The following NPSR1 variants were observed in gnomAD, a reference collection of about 807,000 sequenced individuals.
NPSR1 encodes the protein neuropeptide S receptor.
A neutral mutation model predicts 46.9 loss-of-function variants in NPSR1; 48 were observed. That is an observed-to-expected ratio of 1.02 (90% CI 0.81 to 1.30). The LOEUF is 1.30. Ranked by LOEUF, NPSR1 falls within the 50% of genes most tolerant of loss-of-function variation. The pLI, the probability that NPSR1 is intolerant of heterozygous loss-of-function variation, is 0.00. For synonymous variants in NPSR1, 176 were observed against 168.1 expected, an observed-to-expected ratio of 1.05 and a Z score of -0.36; for missense variants, 450 against 449.5, an observed-to-expected ratio of 1.00 and a Z score of -0.01.
intron 2 of NPSR1, chr7:34,704,295 A>G (rs1400671654): frequency 6.6e-6 from 1 of 152,180 alleles, no homozygotes; most frequent in African/African-American, 2.4e-5. Context: ...TACAATTTAT[A>G]TGACATGTTA....
At chr7:34,661,064 A>G (rs1791431238) in intron 1 of NPSR1, among the ~76,000 whole-genome samples, 1 of 152,198 alleles carries the variant, frequency 6.6e-6, no homozygotes, top group Admixed American at 6.5e-5. Flanking sequence ...ATACTCAATA[A>G]ACATTGACTG....
chr7:34,792,592 CGTATATATGTGTGT>C (rs1787935898), intron 3 of NPSR1, among the ~76,000 whole-genome samples: 2 of 120,114 alleles, frequency 1.7e-5, no homozygotes, highest in African/African-American at 6.1e-5. Context: ...TATATATATA[CGTATATATGTGTGT>C]GTATATATGT....
At chr7:34,798,016 A>G (rs1329406940) in intron 3 of NPSR1, among the ~76,000 whole-genome samples, 2 of 152,194 alleles carry the variant, frequency 1.3e-5, no homozygotes, top group Admixed American at 1.3e-4. Flanking sequence ...TTTCTTACAA[A>G]AAATGCTAAA....
chr7:34,857,624 C>G (rs1791079384), intron 8 of NPSR1, among the ~76,000 whole-genome samples: 1 of 151,414 alleles, frequency 6.6e-6, no homozygotes, highest in Admixed American at 6.6e-5. Context: ...CCTAAATTCA[C>G]AAGACAATAG....
chr7:34,876,427 A>G (rs1380729928), intron 8 of NPSR1, among the ~76,000 whole-genome samples: 1 of 152,242 alleles, frequency 6.6e-6, no homozygotes, highest in East Asian at 1.9e-4. Flanking sequence ...TACTTAGCAC[A>G]GTTCTTGACA....
At chr7:34,744,003 G>T (rs1451155195) in intron 2 of NPSR1, among the ~76,000 whole-genome samples, 1 of 152,082 alleles carries the variant, frequency 6.6e-6, no homozygotes, top group Admixed American at 6.5e-5. Flanking sequence ...GGTCAAGTTT[G>T]TTTGCTGTGT....
chr7:34,749,464 T>G (rs941096663), intron 2 of NPSR1, among the ~76,000 whole-genome samples: 1 of 152,162 alleles, frequency 6.6e-6, no homozygotes, highest in Non-Finnish European at 1.5e-5. Flanking sequence ...ACAAAGTAAG[T>G]ATACCCACCC....
intron 2 of NPSR1, among the ~76,000 whole-genome samples, chr7:34,768,176 G>C (rs1786519937): frequency 6.6e-6 from 1 of 152,086 alleles, no homozygotes; most frequent in Non-Finnish European, 1.5e-5. Context: ...AAGAATTATA[G>C]CTGACTTCTT....
rs1209298519 is a variant in NPSR1 at position 34,807,197 on chromosome 7, C to T, written c.385-4573C>T. ...CATGTTACTAATTTCTGCTTCATTG[C>T]TCATTGTTTTAAATATGTGATTTGC... is the stretch of plus-strand genomic sequence containing the variant. On this transcript the variant is annotated intron_variant, in intron 3 of 8. Transcript: ENST00000360581. 2.6e-5 allele frequency among the ~76,000 whole-genome samples: 4 copies of T among 152,098 alleles called. No individual in the cohort carries two copies. The East Asian group carries it at 5.8e-4, about 22-fold the overall frequency.
At chr7:34,752,078 G>T in intron 2 of NPSR1, 1 of 600,510 alleles carries the variant, frequency 1.7e-6, no homozygotes, top group South Asian at 1.8e-5. Flanking sequence ...AACCGGTGAC[G>T]GGGAGAAGGC....
chr7:34,744,817 A>T (rs990440939), intron 2 of NPSR1, among the ~76,000 whole-genome samples: 1 of 152,228 alleles, frequency 6.6e-6, no homozygotes, highest in African/African-American at 2.4e-5. Context: ...ATCTGAGTAC[A>T]GTTGGCCCTT....
chr7:34,765,714 T>G (rs1422593452), intron 2 of NPSR1, among the ~76,000 whole-genome samples: 1 of 152,244 alleles, frequency 6.6e-6, no homozygotes, highest in Non-Finnish European at 1.5e-5. Context: ...TGGAATACTA[T>G]GCAGTCGTAG....
At chr7:34,670,625 A>C (rs897737341) in intron 1 of NPSR1, among the ~76,000 whole-genome samples, 5 of 151,212 alleles carry the variant, frequency 3.3e-5, no homozygotes, top group African/African-American at 1.2e-4. Context: ...TAATTATATA[A>C]AAATATAACA....
chr7:34,815,733 C>T (rs1789214307), intron 4 of NPSR1, among the ~76,000 whole-genome samples: 1 of 152,186 alleles, frequency 6.6e-6, no homozygotes, highest in Non-Finnish European at 1.5e-5. Context: ...AGAAACCCTA[C>T]AAGCCAGAAG....
intron 3 of NPSR1, among the ~76,000 whole-genome samples, chr7:34,792,336 C>A (rs977549354): frequency 6.6e-6 from 1 of 151,360 alleles, no homozygotes; most frequent in African/African-American, 2.4e-5. Context: ...GGTTAATATC[C>A]AAAATATATT....
At chr7:34,858,820 T>G (rs1433177962) in intron 8 of NPSR1, among the ~76,000 whole-genome samples, 1 of 151,786 alleles carries the variant, frequency 6.6e-6, no homozygotes, top group East Asian at 1.9e-4. Context: ...ACTGGGTCCC[T>G]TCCACAACAT....
intron 3 of NPSR1, among the ~76,000 whole-genome samples, chr7:34,790,193 C>T (rs1039258064): frequency 1.3e-5 from 2 of 152,002 alleles, no homozygotes; most frequent in African/African-American, 4.8e-5. Flanking sequence ...GTAATTTATT[C>T]CTGGAATGCA....
rs1431189570 is a variant in NPSR1, at chr7:34,844,928, C to G, written c.790C>G (p.Leu264Val). Reference sequence around the variant, plus strand: ...ACTGTGCAGCAGCTATAACCGAGGACTCATCTCAAAGGCAAAAATCAAGGC... The same window carrying G: ...ACTGTGCAGCAGCTATAACCGAGGAGTCATCTCAAAGGCAAAAATCAAGGC... ...GKLCSSYNRG[L>V]ISKAKIKAIK... Residue 264 changes from leucine to valine, a missense_variant, in exon 7 of 9, where the codon CTC becomes GTC. By Grantham distance (32) the Leu-to-Val change is conservative. Transcript: ENST00000360581. The G allele has an allele frequency of 6.2e-7, 1 of 1,612,664 alleles. No homozygotes were observed. Among genetic ancestry groups the G allele is most frequent in the South Asian group, 1.1e-5 (1 of 91,066 alleles).
At chr7:34,787,745 G>A (rs1182169399) in intron 3 of NPSR1, among the ~76,000 whole-genome samples, 1 of 152,106 alleles carries the variant, frequency 6.6e-6, no homozygotes, top group African/African-American at 2.4e-5. Flanking sequence ...ACAGATGGAG[G>A]AACAACCAGT....
Sources: gnomAD v4.1 joint callset for allele counts (sites outside exome capture counted in the v4.1 genomes callset) on GRCh38, gnomAD v4.1.1 for gene constraint, MANE v1.5 for transcripts, NCBI Gene and HGNC (gene_info 2026-07-23, HGNC 2026-07-21) for gene names.